Variants in CSMD1 observed in about 807,000 individuals in gnomAD.
CSMD1 encodes the protein CUB and Sushi multiple domains 1, also known as CUB and sushi domain-containing protein 1.
CSMD1 carries 213 observed loss-of-function variants against 417.5 expected under a neutral mutation model. That is an observed-to-expected ratio of 0.51 (90% CI 0.46 to 0.57). The LOEUF (loss-of-function observed/expected upper bound fraction) is 0.57, where lower values mean the gene tolerates loss of function less well. Ranked by LOEUF, CSMD1 falls within the 20% of genes least tolerant of loss-of-function variation. The pLI is 0.00. For synonymous variants in CSMD1, 2,862 were observed against 1,736.8 expected (o/e 1.65, Z -16.11); for missense variants, 6,923 against 4,529.7 (o/e 1.53, Z -15.17).
intron 3 of CSMD1, among the ~76,000 whole-genome samples, chr8:4,035,755 T>A (rs1439605980): frequency 1.3e-5 from 2 of 152,198 alleles, no homozygotes; most frequent in African/African-American, 4.8e-5. Context: ...AAAAGAAGTT[T>A]ATGAAGTAAC....
chr8:4,057,740 C>G (rs1296191443), intron 3 of CSMD1, among the ~76,000 whole-genome samples: 2 of 151,900 alleles, frequency 1.3e-5, no homozygotes, highest in East Asian at 1.9e-4. Flanking sequence ...CCAGTTTCAG[C>G]TTTCTACATA....
chr8:4,472,832 C>T (rs959462004), intron 2 of CSMD1, among the ~76,000 whole-genome samples: 2 of 151,954 alleles, frequency 1.3e-5, no homozygotes, highest in East Asian at 3.9e-4. Context: ...TATATATACC[C>T]TTTCTGTAAG....
intron 2 of CSMD1, among the ~76,000 whole-genome samples, chr8:4,602,209 A>C (rs1800627139): frequency 6.6e-6 from 1 of 152,060 alleles, no homozygotes; most frequent in Non-Finnish European, 1.5e-5. Flanking sequence ...TTGCCTTTCC[A>C]CCCTATGTCA....
At chr8:4,644,614 G>A (rs1203455597) in intron 1 of CSMD1, among the ~76,000 whole-genome samples, 1 of 152,170 alleles carries the variant, frequency 6.6e-6, no homozygotes, top group Non-Finnish European at 1.5e-5. Context: ...TCACCGTGTT[G>A]CCCAGGCTGG....
chr8:4,168,257 G>A (rs1027297953), intron 3 of CSMD1, among the ~76,000 whole-genome samples: 6 of 150,988 alleles, frequency 4.0e-5, no homozygotes, highest in South Asian at 4.2e-4. Context: ...TAGTTGACAT[G>A]GTAGGATGCA....
intron 7 of CSMD1, among the ~76,000 whole-genome samples, chr8:3,681,219 T>G (rs1383990276): frequency 6.6e-6 from 1 of 152,268 alleles, no homozygotes; most frequent in African/African-American, 2.4e-5. Context: ...AAATAAAGGA[T>G]ATTCAATTAG....
intron 2 of CSMD1, among the ~76,000 whole-genome samples, chr8:4,607,346 G>A (rs889350342): frequency 1.3e-5 from 2 of 152,088 alleles, no homozygotes; most frequent in Non-Finnish European, 2.9e-5. Flanking sequence ...TGCGGGGGAC[G>A]GGCTATTGAT....
intron 3 of CSMD1, among the ~76,000 whole-genome samples, chr8:4,186,542 A>G (rs1261877682): frequency 6.6e-6 from 1 of 152,238 alleles, no homozygotes; most frequent in Admixed American, 6.5e-5. Flanking sequence ...TCACAGCATT[A>G]TACGAATATA....
intron 33 of CSMD1, among the ~76,000 whole-genome samples, chr8:3,198,114 T>C (rs1585629394): frequency 6.6e-6 from 1 of 152,236 alleles, no homozygotes; most frequent in African/African-American, 2.4e-5. Flanking sequence ...TGAAAACGTA[T>C]TACTTTAAAT....
rs149875523 is a variant in CSMD1 at position 4,881,291 on chromosome 8, C to G, written c.85+113041G>C. Among the ~76,000 whole-genome samples, 68 of 152,180 alleles carry G rather than the reference C, an allele frequency of 4.5e-4. No homozygotes were observed. In the East Asian group the frequency reaches 0.012, roughly 27 times the overall value. On this transcript the variant is annotated intron_variant, in intron 1 of 69. Coordinates refer to ENST00000635120, the MANE Select transcript of CSMD1 (RefSeq NM_033225.6). ...CTTCATTGCCAGACTGTGCCCTCTACAAGGATAGTGACAATGCATTTTTTT... is the reference window on the plus strand; with the variant it reads ...CTTCATTGCCAGACTGTGCCCTCTAGAAGGATAGTGACAATGCATTTTTTT...
intron 3 of CSMD1, among the ~76,000 whole-genome samples, chr8:4,283,915 T>C (rs1796921917): frequency 6.6e-6 from 1 of 152,194 alleles, no homozygotes; most frequent in Admixed American, 6.6e-5. Flanking sequence ...CTAGAATGTT[T>C]GCAAATCTGG....
At chr8:3,240,684 A>G (rs1174090899) in intron 26 of CSMD1, among the ~76,000 whole-genome samples, 2 of 152,098 alleles carry the variant, frequency 1.3e-5, no homozygotes, top group Non-Finnish European at 2.9e-5. Context: ...AAGGAATAGT[A>G]AAGAAAGCAG....
intron 4 of CSMD1, among the ~76,000 whole-genome samples, chr8:4,015,701 A>T (rs11989466): frequency 8.0e-5 from 12 of 149,354 alleles, no homozygotes; most frequent in Admixed American, 6.6e-4. Context: ...CAGCTGCTAC[A>T]TCCCATTTTA....
intron 1 of CSMD1, among the ~76,000 whole-genome samples, chr8:4,877,772 A>G (rs1301311260): frequency 6.6e-6 from 1 of 152,146 alleles, no homozygotes; most frequent in African/African-American, 2.4e-5. Flanking sequence ...ATGCCTGTAA[A>G]AAGTACAGTC....
intron 12 of CSMD1, among the ~76,000 whole-genome samples, chr8:3,431,426 T>C (rs1463884337): frequency 6.6e-6 from 1 of 152,154 alleles, no homozygotes; most frequent in Admixed American, 6.5e-5. Flanking sequence ...GTTTGTCTTT[T>C]CCCGGAAGTC....
chr8:3,650,354 C>A (rs1173012159), intron 7 of CSMD1, among the ~76,000 whole-genome samples: 1 of 151,918 alleles, frequency 6.6e-6, no homozygotes, highest in Non-Finnish European at 1.5e-5. Context: ...ATGAGTATAC[C>A]TTTACTTACA....
intron 1 of CSMD1, among the ~76,000 whole-genome samples, chr8:4,938,773 A>G (rs1807790192): frequency 6.6e-6 from 1 of 152,242 alleles, no homozygotes; most frequent in Admixed American, 6.5e-5. Flanking sequence ...CTGTGGGTCA[A>G]GAAGTGCAGG....
At chr8:4,956,095 G>A (rs1255258288) in intron 1 of CSMD1, among the ~76,000 whole-genome samples, 3 of 152,088 alleles carry the variant, frequency 2.0e-5, no homozygotes, top group Non-Finnish European at 2.9e-5. Context: ...GAGTTATTTG[G>A]TTATCACCCT....
chr8:2,963,218 T>G lies in CSMD1; in HGVS notation c.9454+4A>C. ...GGCGGAACAAATTCTGCTGTAGAAC[T>G]TACGGAGACACTGGGGGATCTCTCC... On this transcript the variant is annotated splice_donor_region_variant and intron_variant, in intron 60 of 69. Transcript: ENST00000635120. 6.2e-7 allele frequency: 1 copy of G among 1,613,820 alleles called. No homozygotes were observed. Among genetic ancestry groups the G allele is most frequent in the Non-Finnish European group, 8.5e-7 (1 of 1,179,776 alleles).
Sources: gnomAD v4.1 joint callset for allele counts (sites outside exome capture counted in the v4.1 genomes callset) on GRCh38, gnomAD v4.1.1 for gene constraint, MANE v1.5 for transcripts, NCBI Gene and HGNC (gene_info 2026-07-23, HGNC 2026-07-21) for gene names.